HLA-DPB1: variants seen among roughly 807,000 people sequenced by gnomAD.
HLA-DPB1 encodes the protein HLA class II histocompatibility antigen, DP beta 1 chain.
In HLA-DPB1, 30 loss-of-function variants were observed where a neutral mutation model predicts 29.4. The ratio of observed to expected loss-of-function variants is 1.02; its 90% confidence interval spans 0.76 to 1.38. The LOEUF (loss-of-function observed/expected upper bound fraction) is 1.38. HLA-DPB1 is among the 40% of genes most tolerant of loss of function. The probability of loss-of-function intolerance (pLI) is 0.00; values close to 1 mark genes in which losing one functional copy is unlikely to be tolerated. For synonymous variants in HLA-DPB1, 114 were observed against 134.0 expected, an observed-to-expected ratio of 0.85 and a Z score of 1.03; for missense variants, 261 against 327.5, an observed-to-expected ratio of 0.80 and a Z score of 1.57.
rs1042187 is a variant in HLA-DPB1, at chr6:33,084,991, T to G, written c.406T>G (p.Leu136Val). 1.0e-6 allele frequency: 1 copy of G among 997,718 alleles called. No homozygotes were observed. The allele number at this position is 997,718 out of a possible 1,614,324, so 61.8% of individuals were successfully genotyped here. A position where few individuals can be genotyped will look rare whatever the true frequency, so the allele number is the denominator to read the frequency against. Residue 136 changes from leucine (L) to valine (V), a missense_variant, in exon 3 of 6, where the codon TTG becomes GTG. Physicochemically the swap from Leu to Val is conservative, Grantham distance 32. Transcript: ENST00000418931. ...VNVSPSKKGP[L>V]QHHNLLVCHV... is the part of the protein sequence containing the mutation. ...TGTTTCCCCCTCCAAGAAGGGGCCC[T>G]TGCAGCACCACAACCTGCTTGTCTG...
rs3128963 is a variant in HLA-DPB1 at position 33,088,003 on chromosome 6, C to T, written c.*1469C>T. Among the ~76,000 whole-genome samples the T allele has an allele frequency of 0.38, 57,774 of 151,988 alleles. 12,404 individuals carry two copies. The highest frequency in any genetic ancestry group is 0.64 in the East Asian group (3,295 of 5,168). ...GGAAAATGCTGCTGACTTGTTTTTG[C>T]GTAGTAATTTCAGCTGTCACATAAT... On this transcript the variant is annotated 3_prime_UTR_variant, in exon 6 of 6. Coordinates refer to ENST00000418931, the MANE Select transcript of HLA-DPB1 (RefSeq NM_002121.6).
chr6:33,079,656 A>AT (rs1235614432), intron 1 of HLA-DPB1: 15 of 471,592 alleles, frequency 3.2e-5, no homozygotes. Context: ...AACAAAAAAA[A>AT]CATGCTGCCC....
chr6:33,080,911 G>T lies in HLA-DPB1; in HGVS notation c.340G>T (p.Gly114Trp). ...RMCRHNYELGGPMTLQRRVQP... is the reference protein window; with the variant it reads ...RMCRHNYELGWPMTLQRRVQP... Reference sequence around the variant, plus strand: ...GTGCAGACACAACTACGAGCTGGGCGGGCCCATGACCCTGCAGCGCCGAGG... The same window carrying T: ...GTGCAGACACAACTACGAGCTGGGCTGGCCCATGACCCTGCAGCGCCGAGG... The change falls in exon 2 of 6, where the codon GGG becomes TGG. Residue 114 changes from glycine to tryptophan, a missense_variant. Physicochemically the swap from Gly to Trp is radical, Grantham distance 184. Coordinates refer to ENST00000418931, the MANE Select transcript of HLA-DPB1 (RefSeq NM_002121.6). This position sits in a 1 kb window ranked among gnomAD's most constrained non-coding sequence, Gnocchi z 4.3. 6.2e-7 allele frequency: 1 copy of T among 1,603,890 alleles called. No homozygotes were observed. Among genetic ancestry groups the T allele is most frequent in the Non-Finnish European group, 8.5e-7 (1 of 1,175,638 alleles).
chr6:33,086,471 A>C, intron 5 of HLA-DPB1, 68 bp from the exon 6 acceptor site: 1 of 695,450 alleles, frequency 1.4e-6, no homozygotes, highest in Non-Finnish European at 2.7e-6. Flanking sequence ...TCTCACCATA[A>C]TTTTTCTCTC....
intron 1 of HLA-DPB1, among the ~76,000 whole-genome samples, chr6:33,076,464 C>G (rs1762544511): frequency 6.6e-6 from 1 of 152,160 alleles, no homozygotes; most frequent in African/African-American, 2.4e-5. Context: ...CAAGTGCAGG[C>G]TCCTGGGCGT....
rs1008842409 is a variant in HLA-DPB1 at position 33,089,500 on chromosome 6, C to T, written c.*2966C>T. ...CTGCACATCTGCTCCCAGAACCTCC[C>T]CAGCAGAATGAAGGGAACCTAAGAA... On this transcript the variant is annotated 3_prime_UTR_variant, in exon 6 of 6. Transcript: ENST00000418931. Among the ~76,000 whole-genome samples the T allele has an allele frequency of 6.6e-6, 1 of 152,160 alleles. No homozygotes were observed. The highest frequency in any genetic ancestry group is 1.5e-5 in the Non-Finnish European group (1 of 68,028).
intron 1 of HLA-DPB1, among the ~76,000 whole-genome samples, chr6:33,076,947 T>A (rs191765921): frequency 4.0e-4 from 61 of 152,200 alleles, no homozygotes; most frequent in African/African-American, 1.4e-3. Flanking sequence ...TACTTTAAGT[T>A]CTAGGGTACA....
At position 33,080,462 on chromosome 6, in the gene HLA-DPB1, T is replaced by C. The variant is rs1301434521; in HGVS notation, c.101-210T>C. 12 of 749,564 alleles carry C rather than the reference T, an allele frequency of 1.6e-5. No homozygotes were observed. Among genetic ancestry groups the C allele is most frequent in the Admixed American group, 6.0e-5 (3 of 49,744 alleles). 46.4% of individuals were successfully genotyped at this position (749,564 alleles called of 1,614,324 possible). On this transcript the variant is annotated intron_variant, in intron 1 of 5. Coordinates refer to ENST00000418931, the MANE Select transcript of HLA-DPB1 (RefSeq NM_002121.6). The surrounding 1 kb of genome is among the most constrained non-coding windows in gnomAD (Gnocchi z 4.3). ...GTGCCCCTGAGCTCATTCTTTTCAG[T>C]AAATTCTCTCTCTGCGTGGTGAGAA... is the stretch of plus-strand genomic sequence containing the variant.
At position 33,089,183 on chromosome 6, in the gene HLA-DPB1, T is replaced by TA. The variant is rs1246243986; in HGVS notation, c.*2650dup. Among the ~76,000 whole-genome samples the TA allele has an allele frequency of 4.6e-5, 7 of 152,326 alleles. No individual in the cohort carries two copies. Among genetic ancestry groups the TA allele is most frequent in the African/African-American group, 1.7e-4 (7 of 41,572 alleles). ...ACTTGCTACCAGGCCAGTGAACACT[T>TA]ACCATAGTTGATGCCTTTTGAGCAT... On this transcript the variant is annotated 3_prime_UTR_variant, in exon 6 of 6. Coordinates refer to ENST00000418931, the MANE Select transcript of HLA-DPB1 (RefSeq NM_002121.6).
chr6:33,079,709 A>G, intron 1 of HLA-DPB1: 1 of 509,840 alleles, frequency 2.0e-6, no homozygotes, highest in Non-Finnish European at 3.9e-6. Context: ...CAAGGAGCTG[A>G]AAGTGCTGCT....
At chr6:33,085,960 G>A (rs9277474) in intron 4 of HLA-DPB1, 71 bp downstream of exon 4, 10 of 635,732 alleles carry the variant, frequency 1.6e-5, no homozygotes, top group Non-Finnish European at 2.3e-5. Flanking sequence ...ACGATGAGGG[G>A]TTTGACAGAA....
At position 33,080,160 on chromosome 6, in the gene HLA-DPB1, A is replaced by C. The variant is rs1162982828; in HGVS notation, c.101-512A>C. On this transcript the variant is annotated intron_variant, in intron 1 of 5. Coordinates refer to ENST00000418931, the MANE Select transcript of HLA-DPB1 (RefSeq NM_002121.6). The surrounding 1 kb of genome is among the most constrained non-coding windows in gnomAD (Gnocchi z 4.3). ...GGAGCAAGTTGAGGAATTCTCAAGA[A>C]ACTGGTCGAGAAGAGAGAGCGCTTA... is the stretch of plus-strand genomic sequence containing the variant. Among the ~76,000 whole-genome samples the C allele has an allele frequency of 6.6e-6, 1 of 152,212 alleles. No homozygotes were observed. The highest frequency in any genetic ancestry group is 2.4e-5 in the African/African-American group (1 of 41,446).
rs1451865709 is a variant in HLA-DPB1 at position 33,087,320 on chromosome 6, C to T, written c.*786C>T. ...TGCATTCATCCACCAGCCTAGGCCT[C>T]CTGTCTTAATTTTCATACAGACAGA... is the stretch of plus-strand genomic sequence containing the variant. On this transcript the variant is annotated 3_prime_UTR_variant, in exon 6 of 6. Coordinates refer to ENST00000418931, the MANE Select transcript of HLA-DPB1 (RefSeq NM_002121.6). 1 of 153,846 alleles carries T rather than the reference C, an allele frequency of 6.5e-6. No homozygotes were observed. The highest frequency in any genetic ancestry group is 1.4e-5 in the Non-Finnish European group (1 of 69,102). 9.5% of individuals were successfully genotyped at this position (153,846 alleles called of 1,614,324 possible). A position where few individuals can be genotyped will look rare whatever the true frequency, so the allele number is the denominator to read the frequency against.
At chr6:33,079,587 G>A (rs998348127) in intron 1 of HLA-DPB1, 15 of 423,436 alleles carry the variant, frequency 3.5e-5, no homozygotes, top group East Asian at 1.3e-4. Context: ...AGTAGGGTTC[G>A]TAGAAGGTCC....
At chr6:33,081,203 A>AC (rs1166018652) in intron 2 of HLA-DPB1, 4 of 503,582 alleles carry the variant, frequency 7.9e-6, no homozygotes, top group African/African-American at 7.8e-5. Flanking sequence ...GTGGGGTGAA[A>AC]AAAGGAAGCC....
rs1195055407 is a variant in HLA-DPB1, at chr6:33,088,311, C to T, written c.*1777C>T. ...TATCCAGTCAGAGTCATTCTCTTTC[C>T]TGCTTGTCTCCTGTACTCATGTTAC... On this transcript the variant is annotated 3_prime_UTR_variant, in exon 6 of 6. Coordinates refer to ENST00000418931, the MANE Select transcript of HLA-DPB1 (RefSeq NM_002121.6). Among the ~76,000 whole-genome samples, 6 of 152,166 alleles carry T rather than the reference C, an allele frequency of 3.9e-5. No homozygotes were observed. Among genetic ancestry groups the T allele is most frequent in the Admixed American group, 2.6e-4 (4 of 15,274 alleles).
intron 3 of HLA-DPB1, 23 bp from the exon 4 acceptor site, chr6:33,085,756 A>C: frequency 1.9e-6 from 3 of 1,546,850 alleles, no homozygotes; most frequent in Non-Finnish European, 1.8e-6. Flanking sequence ...AGGTGACACT[A>C]AACCTGGGTC....
At position 33,080,266 on chromosome 6, in the gene HLA-DPB1, T is replaced by A; in HGVS notation, c.101-406T>A. 2 of 371,236 alleles carry A rather than the reference T, an allele frequency of 5.4e-6. No individual in the cohort carries two copies. Among genetic ancestry groups the A allele is most frequent in the Non-Finnish European group, 1.1e-5 (2 of 189,976 alleles). 23.0% of individuals were successfully genotyped at this position (371,236 alleles called of 1,614,324 possible). A position where few individuals can be genotyped will look rare whatever the true frequency, so the allele number is the denominator to read the frequency against. The stretch of plus-strand genomic sequence containing the variant: ...ACCAGGACTGACATCAGGATGGAAA[T>A]GTCAGTCAGGGAGTTAAGTAGGGGG... On this transcript the variant is annotated intron_variant, in intron 1 of 5. Coordinates refer to ENST00000418931, the MANE Select transcript of HLA-DPB1 (RefSeq NM_002121.6). This position sits in a 1 kb window ranked among gnomAD's most constrained non-coding sequence, Gnocchi z 4.3.
intron 1 of HLA-DPB1, among the ~76,000 whole-genome samples, chr6:33,078,701 T>C (rs1439086935): frequency 2.6e-5 from 4 of 152,166 alleles, no homozygotes; most frequent in Non-Finnish European, 5.9e-5. Flanking sequence ...TAAAATTCCA[T>C]TTCAAAAGTT....
Sources: allele counts gnomAD v4.1 joint callset (sites outside exome capture counted in the v4.1 genomes callset), GRCh38; gene constraint gnomAD v4.1.1; non-coding constraint Gnocchi (gnomAD v3.1); transcripts MANE v1.5; gene names NCBI Gene and HGNC (gene_info 2026-07-23, HGNC 2026-07-21).